The following THSD4 variants were observed in gnomAD, a reference collection of about 807,000 sequenced individuals.
THSD4 encodes thrombospondin type-1 domain-containing protein 4.
In THSD4, 69 loss-of-function variants were observed where a neutral mutation model predicts 119.0. The observed-to-expected ratio is 0.58, with a 90% CI of 0.48 to 0.71. The LOEUF is 0.71. Among genes scored for constraint, THSD4 ranks in the 30% least tolerant of loss-of-function variants. The pLI, the probability that THSD4 is intolerant of heterozygous loss-of-function variation, is 0.00. For synonymous variants in THSD4, 524 were observed against 540.4 expected (o/e 0.97, Z 0.42); for missense variants, 1,393 against 1,391.1 (o/e 1.00, Z -0.02).
chr15:71,585,177 G>A (rs1199965132), intron 7 of THSD4, among the ~76,000 whole-genome samples: 1 of 152,174 alleles, frequency 6.6e-6, no homozygotes, highest in Non-Finnish European at 1.5e-5. Context: ...CATTGTTAGT[G>A]AGTTTTATAC....
intron 4 of THSD4, among the ~76,000 whole-genome samples, chr15:71,225,606 G>A (rs2044011692): frequency 1.4e-5 from 2 of 146,652 alleles, no homozygotes; most frequent in South Asian, 2.1e-4. Flanking sequence ...GGAGTGCAGT[G>A]GCACAATCTT....
At chr15:71,311,741 C>A (rs959573713) in intron 6 of THSD4, among the ~76,000 whole-genome samples, 11 of 152,242 alleles carry the variant, frequency 7.2e-5, no homozygotes, top group Non-Finnish European at 1.6e-4. Context: ...CTACCCATTG[C>A]TCAAGCCAAA....
intron 1 of THSD4, among the ~76,000 whole-genome samples, chr15:71,122,818 G>A (rs1164824505): frequency 6.6e-6 from 1 of 152,166 alleles, no homozygotes; most frequent in Non-Finnish European, 1.5e-5. Flanking sequence ...CAACGTGAAT[G>A]TTCAATTTGC....
At chr15:71,151,580 C>T (rs1287624750) in intron 2 of THSD4, among the ~76,000 whole-genome samples, 1 of 152,072 alleles carries the variant, frequency 6.6e-6, no homozygotes, top group Non-Finnish European at 1.5e-5. Context: ...GTGATTTGCC[C>T]AAGGTCATGC....
At chr15:71,634,249 T>C (rs1279419384) in intron 7 of THSD4, among the ~76,000 whole-genome samples, 1 of 81,910 alleles carries the variant, frequency 1.2e-5, no homozygotes, top group East Asian at 1.3e-3. Context: ...ACTGGGTTGC[T>C]GTGAGGATTA....
intron 3 of THSD4, among the ~76,000 whole-genome samples, chr15:71,160,171 A>T (rs1160248245): frequency 1.3e-5 from 2 of 151,496 alleles, no homozygotes; most frequent in Admixed American, 1.3e-4. Flanking sequence ...GATGAATCCC[A>T]CTTGATATTA....
At chr15:71,120,189 T>TC (rs2141352301) in intron 1 of THSD4, among the ~76,000 whole-genome samples, 1 of 152,322 alleles carries the variant, frequency 6.6e-6, no homozygotes, top group South Asian at 2.1e-4. Context: ...TGCGCGGTGA[T>TC]AGTAATAATG....
At chr15:71,135,875 G>A (rs1257247690) in intron 1 of THSD4, among the ~76,000 whole-genome samples, 1 of 151,856 alleles carries the variant, frequency 6.6e-6, no homozygotes, top group Non-Finnish European at 1.5e-5. Flanking sequence ...TGTTGGCTCT[G>A]AGGGCCTTAT....
chr15:71,465,534 T>C (rs536882737), intron 7 of THSD4, among the ~76,000 whole-genome samples: 2 of 152,350 alleles, frequency 1.3e-5, no homozygotes, highest in Non-Finnish European at 2.9e-5. Flanking sequence ...GCTTCAGATT[T>C]AATGAGCCCA....
chr15:71,534,512 T>C (rs985287506), intron 7 of THSD4, among the ~76,000 whole-genome samples: 2 of 152,224 alleles, frequency 1.3e-5, no homozygotes, highest in Non-Finnish European at 2.9e-5. Flanking sequence ...TTTTTATCAT[T>C]TCACTATTTT....
At chr15:71,138,651 T>A (rs1188565357) in intron 1 of THSD4, among the ~76,000 whole-genome samples, 1 of 151,522 alleles carries the variant, frequency 6.6e-6, no homozygotes, top group Non-Finnish European at 1.5e-5. Flanking sequence ...GATGCTTCCC[T>A]CCCCCCTCCA....
At chr15:71,320,489 C>T (rs1176424692) in intron 6 of THSD4, among the ~76,000 whole-genome samples, 3 of 152,164 alleles carry the variant, frequency 2.0e-5, no homozygotes, top group Non-Finnish European at 2.9e-5. Context: ...TCCTAAAGGT[C>T]CCAGATGTTA....
At chr15:71,353,058 C>T (rs1461032240) in intron 6 of THSD4, among the ~76,000 whole-genome samples, 5 of 152,154 alleles carry the variant, frequency 3.3e-5, no homozygotes, top group Non-Finnish European at 2.9e-5. Flanking sequence ...CACATTCATT[C>T]AACACTATCT....
intron 1 of THSD4, among the ~76,000 whole-genome samples, chr15:71,103,198 A>G (rs1048444036): frequency 2.0e-5 from 3 of 151,068 alleles, no homozygotes; most frequent in Admixed American, 2.0e-4. Flanking sequence ...TATTTTTGCG[A>G]GTCCAAACCT....
rs151273790 is a variant in THSD4, at chr15:71,419,350, C to A, written c.1152+7527C>A. 1.9e-5 allele frequency among the ~76,000 whole-genome samples: 2 copies of A among 105,678 alleles called. 1 individual carries two copies. Among genetic ancestry groups the A allele is most frequent in the Non-Finnish European group, 4.1e-5 (2 of 48,626 alleles). 69.3% of individuals were successfully genotyped at this position (105,678 alleles called of 152,430 possible). On this transcript the variant is annotated intron_variant, in intron 7 of 17. Coordinates refer to ENST00000261862, the MANE Select transcript of THSD4 (RefSeq NM_024817.3). ...CTGGGTAGCTGGAATAACAGGTGCA[C>A]GCCACCACATCTGACTAATTTTTAA...
intron 1 of THSD4, among the ~76,000 whole-genome samples, chr15:71,109,731 G>GGA (rs796609680): frequency 7.5e-6 from 1 of 132,676 alleles, no homozygotes; most frequent in African/African-American, 2.7e-5. Context: ...CACTAAAAGA[G>GGA]AAAAAAAAAA....
rs537395601 is a variant in THSD4, at chr15:71,505,399, AG to A, written c.1152+93577del. ...AATGAAACAGACATGTACTTTAAAA[AG>A]ACTTTTGTAGAGTTTGGGGAAGAAA... is the stretch of plus-strand genomic sequence containing the variant. On this transcript the variant is annotated intron_variant, in intron 7 of 17. Transcript: ENST00000261862. Among the ~76,000 whole-genome samples the A allele has an allele frequency of 3.3e-3, 502 of 152,346 alleles. 1 individual carries two copies. Among genetic ancestry groups the A allele is most frequent in the Non-Finnish European group, 5.2e-3 (353 of 68,036 alleles).
intron 7 of THSD4, among the ~76,000 whole-genome samples, chr15:71,437,179 C>G: frequency 6.6e-6 from 1 of 152,226 alleles, no homozygotes; most frequent in African/African-American, 2.4e-5. Flanking sequence ...AAGGGGGAGA[C>G]TCTTTTAAGC....
intron 1 of THSD4, among the ~76,000 whole-genome samples, chr15:71,103,685 G>C (rs562868069): frequency 6.6e-6 from 1 of 151,950 alleles, no homozygotes; most frequent in Middle Eastern, 3.4e-3. Context: ...TGGAATCTTA[G>C]ATGACTGCCT....
Sources: allele counts gnomAD v4.1 joint callset (sites outside exome capture counted in the v4.1 genomes callset), GRCh38; gene constraint gnomAD v4.1.1; transcripts MANE v1.5; gene names NCBI Gene and HGNC (gene_info 2026-07-23, HGNC 2026-07-21).